The following SEMA6D variants were observed in gnomAD, a reference collection of about 807,000 sequenced individuals.
The protein encoded by SEMA6D is semaphorin 6D.
Under a neutral mutation model 106.6 loss-of-function variants are expected in SEMA6D, and 35 were observed. The ratio of observed to expected loss-of-function variants is 0.33; its 90% CI spans 0.25 to 0.44. SEMA6D has a LOEUF of 0.44. Among genes scored for constraint, SEMA6D ranks in the 20% least tolerant of loss-of-function variants. The probability of loss-of-function intolerance (pLI) is 1.00; values close to 1 mark genes in which losing one functional copy is unlikely to be tolerated. For missense variants in SEMA6D, 1,185 were observed against 1,345.9 expected, an observed-to-expected ratio of 0.88 and a Z score of 1.87; for synonymous variants, 499 against 487.7, an observed-to-expected ratio of 1.02 and a Z score of -0.31.
chr15:47,664,267 G>A (rs1358224153), intron 4 of SEMA6D, among the ~76,000 whole-genome samples: 1 of 151,964 alleles, frequency 6.6e-6, no homozygotes, highest in Non-Finnish European at 1.5e-5. Flanking sequence ...ACAAATCCAG[G>A]CACAACAGAG....
At chr15:47,463,371 A>G (rs985631443) in intron 2 of SEMA6D, among the ~76,000 whole-genome samples, 2 of 152,194 alleles carry the variant, frequency 1.3e-5, no homozygotes, top group African/African-American at 4.8e-5. Context: ...ATCTCTGCCC[A>G]TGACAAGTTC....
chr15:47,709,114 G>C (rs1434369697), intron 4 of SEMA6D, among the ~76,000 whole-genome samples: 1 of 152,114 alleles, frequency 6.6e-6, no homozygotes, highest in Non-Finnish European at 1.5e-5. Flanking sequence ...ATCAGAAAGA[G>C]GGAAGAGAGT....
At chr15:47,554,540 AAGTCACTT>A (rs2045860847) in intron 3 of SEMA6D, among the ~76,000 whole-genome samples, 1 of 152,190 alleles carries the variant, frequency 6.6e-6, no homozygotes, top group Admixed American at 6.5e-5. Flanking sequence ...ATGTGTTAGT[AAGTCACTT>A]CAGCATTCAG....
intron 1 of SEMA6D, among the ~76,000 whole-genome samples, chr15:47,277,409 A>C (rs2034870389): frequency 6.6e-6 from 1 of 151,970 alleles, no homozygotes; most frequent in African/African-American, 2.4e-5. Context: ...ATTTCAAGAA[A>C]TTGGCACAGC....
chr15:47,504,812 A>G (rs1327013879), intron 3 of SEMA6D, among the ~76,000 whole-genome samples: 3 of 152,082 alleles, frequency 2.0e-5, no homozygotes, highest in Admixed American at 1.3e-4. Context: ...GGACACTCAG[A>G]TTCTTCGTCT....
intron 3 of SEMA6D, chr15:47,581,395 T>G (rs761496838): frequency 4.1e-6 from 2 of 492,984 alleles, no homozygotes; most frequent in East Asian, 1.4e-4. Flanking sequence ...TAATTCCATG[T>G]AATGGGAAGT....
At chr15:47,724,410 G>T (rs188064382) in intron 1 of SEMA6D, among the ~76,000 whole-genome samples, 1 of 152,200 alleles carries the variant, frequency 6.6e-6, no homozygotes, top group Non-Finnish European at 1.5e-5. Flanking sequence ...TAGCTGAAAC[G>T]CTGTGTGTTT....
chr15:47,397,308 T>C (rs1054134155), intron 1 of SEMA6D, among the ~76,000 whole-genome samples: 2 of 152,224 alleles, frequency 1.3e-5, no homozygotes, highest in African/African-American at 4.8e-5. Context: ...GTAGAGCTTA[T>C]TTAAAGTCAT....
At chr15:47,689,035 A>G (rs2078529610) in intron 4 of SEMA6D, among the ~76,000 whole-genome samples, 1 of 152,218 alleles carries the variant, frequency 6.6e-6, no homozygotes, top group South Asian at 2.1e-4. Flanking sequence ...ATATTCCTCA[A>G]AGATCCACCC....
chr15:47,586,992 G>C (rs562277143), intron 3 of SEMA6D, among the ~76,000 whole-genome samples: 1 of 151,016 alleles, frequency 6.6e-6, no homozygotes, highest in Admixed American at 6.6e-5. Context: ...GGGTAGGCTA[G>C]AGGCTGAAGT....
intron 1 of SEMA6D, among the ~76,000 whole-genome samples, chr15:47,315,929 T>G (rs2036651150): frequency 6.6e-6 from 1 of 152,010 alleles, no homozygotes; most frequent in Non-Finnish European, 1.5e-5. Context: ...TTTTGTATAT[T>G]AGCCTGTCTC....
Position 47,563,728 on chromosome 15 carries a change from C to T in SEMA6D, c.-86-37137C>T, listed in dbSNP as rs115697872. On this transcript the variant is annotated intron_variant, in intron 3 of 19. Transcript: ENST00000558014. ...ATAAGTCTTACTTATTTTTAAATACCCAGTGTGTTCTAGGACCATAACTGA... is the reference window on the plus strand; with the variant it reads ...ATAAGTCTTACTTATTTTTAAATACTCAGTGTGTTCTAGGACCATAACTGA... 3.7e-3 allele frequency among the ~76,000 whole-genome samples: 563 copies of T among 152,126 alleles called. 7 individuals carry two copies. Among genetic ancestry groups the T allele is most frequent in the African/African-American group, 0.013 (550 of 41,498 alleles).
At chr15:47,309,812 T>G (rs1229924389) in intron 1 of SEMA6D, among the ~76,000 whole-genome samples, 1 of 152,152 alleles carries the variant, frequency 6.6e-6, no homozygotes, top group Non-Finnish European at 1.5e-5. Context: ...CTCATGTAAT[T>G]TATTGACTAC....
chr15:47,230,828 A>G (rs2032137766), intron 1 of SEMA6D, among the ~76,000 whole-genome samples: 1 of 152,006 alleles, frequency 6.6e-6, no homozygotes, highest in Non-Finnish European at 1.5e-5. Flanking sequence ...CTCTTAAAGA[A>G]CCACTGGGAG....
upstream of SEMA6D, among the ~76,000 whole-genome samples, chr15:47,715,176 C>T (rs990863754): frequency 2.0e-5 from 3 of 152,044 alleles, no homozygotes; most frequent in Non-Finnish European, 1.5e-5. Context: ...AGCAGAGACA[C>T]CATGAAACAG....
chr15:47,592,889 C>T (rs565581533), intron 3 of SEMA6D, among the ~76,000 whole-genome samples: 1 of 152,194 alleles, frequency 6.6e-6, no homozygotes, highest in East Asian at 1.9e-4. Context: ...TTTTTCTTAT[C>T]AGATTAGTGA....
At chr15:47,552,876 ATATAAATATATATAAATATATATATATAT>A (rs1327938655) in intron 3 of SEMA6D, among the ~76,000 whole-genome samples, 1 of 14,546 alleles carries the variant, frequency 6.9e-5, no homozygotes, top group Non-Finnish European at 1.3e-4. Context: ...TTTTATATAT[ATATAAATATATATAAATATATATATATAT>A]AAATATATAT....
At position 47,773,117 on chromosome 15, in the gene SEMA6D, A is replaced by G. The variant is rs1356014245; in HGVS notation, c.*1332A>G. 1.3e-5 allele frequency: 2 copies of G among 152,578 alleles called. No individual in the cohort carries two copies. Among genetic ancestry groups the G allele is most frequent in the Non-Finnish European group, 2.9e-5 (2 of 68,026 alleles). 9.5% of individuals were successfully genotyped at this position (152,578 alleles called of 1,614,324 possible). A position where few individuals can be genotyped will look rare whatever the true frequency, so the allele number is the denominator to read the frequency against. ...AATGATAGAAGTACTAAAATCTGTCAAGTGTTTTCAGTATAGCACATTATT... is the reference window on the plus strand; with the variant it reads ...AATGATAGAAGTACTAAAATCTGTCGAGTGTTTTCAGTATAGCACATTATT... On this transcript the variant is annotated 3_prime_UTR_variant, in exon 19 of 19. Transcript: ENST00000536845.
intron 1 of SEMA6D, among the ~76,000 whole-genome samples, chr15:47,195,961 T>C (rs1438712623): frequency 6.6e-6 from 1 of 151,752 alleles, no homozygotes; most frequent in East Asian, 1.9e-4. Flanking sequence ...GCCACCTGCC[T>C]TCACCCACCA....
Sources: gnomAD v4.1 joint callset for allele counts (sites outside exome capture counted in the v4.1 genomes callset) on GRCh38, gnomAD v4.1.1 for gene constraint, MANE v1.5 for transcripts, NCBI Gene and HGNC (gene_info 2026-07-23, HGNC 2026-07-21) for gene names.